Variants in C12orf42 observed in about 807,000 individuals in gnomAD.
The protein encoded by C12orf42 is chromosome 12 open reading frame 42.
In C12orf42, 25 loss-of-function variants were observed where a neutral mutation model predicts 21.6. The ratio of observed to expected loss-of-function variants is 1.16; its 90% CI spans 0.84 to 1.62. C12orf42 has a LOEUF of 1.62. Among genes scored for constraint, C12orf42 ranks in the 40% most tolerant of loss-of-function variants. The pLI is 0.00. For missense variants in C12orf42, 483 were observed against 459.3 expected (o/e 1.05, Z -0.47); for synonymous variants, 174 against 175.0 (o/e 0.99, Z 0.05).
At chr12:103,151,120 G>C in the C12orf42 span, among the ~76,000 whole-genome samples, 6 of 152,108 alleles carry the variant, frequency 3.9e-5, no homozygotes, top group Non-Finnish European at 5.9e-5. Flanking sequence ...TAGAGATGGG[G>C]GTTTCACCAT....
chr12:103,404,055 AAAC>A (rs1391435485), intron 2 of C12orf42, among the ~76,000 whole-genome samples: 2 of 152,230 alleles, frequency 1.3e-5, no homozygotes, highest in South Asian at 2.1e-4. Context: ...TCTGTTCTCC[AAAC>A]AACAAGACTT....
the C12orf42 span, among the ~76,000 whole-genome samples, chr12:103,539,920 G>A: frequency 7.2e-5 from 11 of 152,220 alleles, no homozygotes; most frequent in Non-Finnish European, 1.3e-4. Context: ...TAATAAAAAG[G>A]TGACATGCTA....
chr12:103,298,548 T>C (rs995528488), downstream of C12orf42, among the ~76,000 whole-genome samples: 232 of 152,266 alleles, frequency 1.5e-3, no homozygotes, highest in African/African-American at 5.2e-3. Flanking sequence ...ATTTATAGAT[T>C]CAATGCCACC....
the C12orf42 span, among the ~76,000 whole-genome samples, chr12:103,563,147 C>T: frequency 6.6e-6 from 1 of 152,192 alleles, no homozygotes; most frequent in African/African-American, 2.4e-5. Flanking sequence ...GTTCCTTGAA[C>T]AAGTAAGTCT....
At chr12:103,371,425 T>C (rs1322213849) in intron 3 of C12orf42, among the ~76,000 whole-genome samples, 3 of 152,144 alleles carry the variant, frequency 2.0e-5, no homozygotes, top group Non-Finnish European at 4.4e-5. Context: ...TCATGGAGCA[T>C]GGGAGATTAA....
intron 4 of C12orf42, among the ~76,000 whole-genome samples, chr12:103,350,654 C>T (rs1416510077): frequency 6.6e-6 from 1 of 152,006 alleles, no homozygotes; most frequent in Non-Finnish European, 1.5e-5. Flanking sequence ...ATGTATTTCC[C>T]CCATGGATAA....
chr12:103,518,857 A>G, the C12orf42 span, among the ~76,000 whole-genome samples: 3 of 152,182 alleles, frequency 2.0e-5, no homozygotes, highest in Non-Finnish European at 4.4e-5. Context: ...ACTCAAGATC[A>G]CACAACTACT....
At chr12:103,158,598 T>C in the C12orf42 span, among the ~76,000 whole-genome samples, 1 of 152,148 alleles carries the variant, frequency 6.6e-6, no homozygotes, top group African/African-American at 2.4e-5. Flanking sequence ...AATGGATTGA[T>C]GGCTAGGTGT....
chr12:103,385,992 G>T (rs2046579331), intron 3 of C12orf42, among the ~76,000 whole-genome samples: 1 of 152,170 alleles, frequency 6.6e-6, no homozygotes, highest in Non-Finnish European at 1.5e-5. Flanking sequence ...ATTGGTCAAA[G>T]GAAATAATAG....
At chr12:103,523,943 C>T in the C12orf42 span, among the ~76,000 whole-genome samples, 1 of 152,084 alleles carries the variant, frequency 6.6e-6, no homozygotes, top group Non-Finnish European at 1.5e-5. Context: ...CATTCACTCA[C>T]TGAATAGGCA....
At chr12:103,322,562 A>C (rs966281975) in intron 4 of C12orf42, among the ~76,000 whole-genome samples, 1 of 152,042 alleles carries the variant, frequency 6.6e-6, no homozygotes, top group African/African-American at 2.4e-5. Context: ...CCTGAGGCCA[A>C]CCTCACCCCA....
At chr12:103,117,483 G>A in the C12orf42 span, among the ~76,000 whole-genome samples, 3 of 152,110 alleles carry the variant, frequency 2.0e-5, no homozygotes, top group African/African-American at 7.2e-5. Flanking sequence ...TTTAAACCTT[G>A]TCTCAGGATT....
chr12:103,105,831 T>C, the C12orf42 span, among the ~76,000 whole-genome samples: 2 of 152,034 alleles, frequency 1.3e-5, no homozygotes, highest in East Asian at 1.9e-4. Context: ...TTTCACAGAA[T>C]GCTACATAGA....
intron 10 of C12orf42, among the ~76,000 whole-genome samples, chr12:103,261,833 G>A (rs888930057): frequency 2.0e-5 from 3 of 152,128 alleles, no homozygotes; most frequent in Admixed American, 2.0e-4. Context: ...TAGAAGGAAA[G>A]TTGAGGATTA....
chr12:103,522,160 T>G, the C12orf42 span, among the ~76,000 whole-genome samples: 1 of 152,162 alleles, frequency 6.6e-6, no homozygotes, highest in African/African-American at 2.4e-5. Context: ...CCCCCATACT[T>G]TTCTCATGGT....
downstream of C12orf42, among the ~76,000 whole-genome samples, chr12:103,236,220 A>G (rs1199444609): frequency 6.6e-6 from 1 of 152,168 alleles, no homozygotes; most frequent in African/African-American, 2.4e-5. Context: ...TTGATCTTAC[A>G]TGTCAGAATG....
the C12orf42 span, among the ~76,000 whole-genome samples, chr12:103,072,295 A>G: frequency 6.6e-6 from 1 of 152,200 alleles, no homozygotes; most frequent in African/African-American, 2.4e-5. Flanking sequence ...TGAGAATTAA[A>G]TAATAATAAT....
intron 4 of C12orf42, among the ~76,000 whole-genome samples, chr12:103,294,473 A>G (rs201026875): frequency 0.032 from 2,864 of 90,712 alleles, 34 homozygotes; most frequent in East Asian, 0.091. Context: ...AAAGAAAGAA[A>G]TAAGCAAGCA....
the C12orf42 span, among the ~76,000 whole-genome samples, chr12:103,115,002 G>A: frequency 7.9e-5 from 12 of 152,322 alleles, no homozygotes; most frequent in African/African-American, 1.4e-4. Context: ...GGTCTTTGCC[G>A]TGACCAATTG....
Sources: gnomAD v4.1 joint callset for allele counts (sites outside exome capture counted in the v4.1 genomes callset) on GRCh38, gnomAD v4.1.1 for gene constraint, MANE v1.5 for transcripts, NCBI Gene and HGNC (gene_info 2026-07-23, HGNC 2026-07-21) for gene names.